The following LONRF1 variants were observed in gnomAD, a reference collection of about 807,000 sequenced individuals.
The protein encoded by LONRF1 is LON peptidase N-terminal domain and ring finger 1, also known as LON peptidase N-terminal domain and RING finger protein 1.
Under a neutral mutation model 85.8 loss-of-function variants are expected in LONRF1, and 37 were observed. The observed-to-expected ratio is 0.43, with a 90% CI of 0.33 to 0.57. The LOEUF (loss-of-function observed/expected upper bound fraction) is 0.57, where lower values mean the gene tolerates loss of function less well. Among genes scored for constraint, LONRF1 ranks in the 20% least tolerant of loss-of-function variants. LONRF1 has a pLI of 0.04. For missense variants in LONRF1, 1,036 were observed against 978.0 expected (o/e 1.06, Z -0.79); for synonymous variants, 517 against 390.1 (o/e 1.33, Z -3.83).
intron 11 of LONRF1, among the ~76,000 whole-genome samples, chr8:12,723,669 C>T (rs1806023572): frequency 6.6e-6 from 1 of 152,240 alleles, no homozygotes; most frequent in Non-Finnish European, 1.5e-5. Flanking sequence ...TAGCACCTTC[C>T]CATCCAGCTG....
intron 3 of LONRF1, 86 bp from the exon 4 acceptor site, chr8:12,738,230 G>A: frequency 1.1e-6 from 1 of 916,616 alleles, no homozygotes. Flanking sequence ...TAAAGAATAT[G>A]TAGAAAGTTT....
At chr8:12,754,453 C>G (rs1357903580) in intron 1 of LONRF1, 14 of 360,226 alleles carry the variant, frequency 3.9e-5, no homozygotes, top group Non-Finnish European at 6.1e-5. Context: ...GAGGGAACCC[C>G]GCGCCGAGCG....
In LONRF1 at chr8:12,728,970, A is replaced by G. The variant is rs1798425462; in HGVS notation, c.1941T>C (p.Phe647=). 3 of 1,614,036 alleles carry G rather than the reference A, an allele frequency of 1.9e-6. No individual in the cohort carries two copies. Among genetic ancestry groups the G allele is most frequent in the Admixed American group, 1.7e-5 (1 of 60,010 alleles). Residue 647 remains phenylalanine (F), a synonymous_variant, in exon 10 of 12, where the codon TTT becomes TTC. Transcript: ENST00000398246. ...SVVDTVGGKR[F]RVLKRGMKDG... ...CTTTCATTCCTCTTTTTAAAACCCT[A>G]AACCGCTTTCCTCCAACTGTATCAA...
intron 2 of LONRF1, among the ~76,000 whole-genome samples, chr8:12,741,604 G>A (rs1798937091): frequency 6.6e-6 from 1 of 151,980 alleles, no homozygotes; most frequent in African/African-American, 2.4e-5. Context: ...AAATATTATT[G>A]ATTTAATTTG....
intron 1 of LONRF1, among the ~76,000 whole-genome samples, chr8:12,746,378 A>G (rs1220633018): frequency 6.6e-6 from 1 of 152,160 alleles, no homozygotes; most frequent in East Asian, 1.9e-4. Context: ...TGCCCCATGT[A>G]CACCATTCTA....
chr8:12,748,743 AG>A (rs1799262942), intron 1 of LONRF1, among the ~76,000 whole-genome samples: 1 of 150,310 alleles, frequency 6.7e-6, no homozygotes, highest in African/African-American at 2.4e-5. Context: ...CATTTTTCTG[AG>A]TGTCTTTTTC....
intron 2 of LONRF1, among the ~76,000 whole-genome samples, chr8:12,741,199 C>G (rs1436052520): frequency 6.6e-6 from 1 of 152,126 alleles, no homozygotes; most frequent in Non-Finnish European, 1.5e-5. Context: ...GTCTGGTCAA[C>G]ATGGTGAAAC....
intron 1 of LONRF1, among the ~76,000 whole-genome samples, chr8:12,748,208 A>G (rs1466396914): frequency 2.0e-5 from 3 of 151,964 alleles, no homozygotes; most frequent in Non-Finnish European, 4.4e-5. Context: ...CTTGTACTTT[A>G]TTTATTTGAG....
intron 10 of LONRF1, among the ~76,000 whole-genome samples, chr8:12,726,529 C>T (rs148359495): frequency 1.3e-5 from 2 of 152,316 alleles, no homozygotes; most frequent in African/African-American, 4.8e-5. Flanking sequence ...ACTGGGTCAC[C>T]AAACTGCAAA....
At chr8:12,754,617 G>A (rs1169849798) in intron 1 of LONRF1, 83 bp downstream of exon 1, 17 of 1,239,216 alleles carry the variant, frequency 1.4e-5, no homozygotes, top group Non-Finnish European at 1.7e-5. Context: ...AGACTCTCGG[G>A]GCGCAGACAA....
At position 12,729,077 on chromosome 8, in the gene LONRF1, T is replaced by C. The variant is rs1798430135; in HGVS notation, c.1848-14A>G. 1 of 1,612,988 alleles carries C rather than the reference T, an allele frequency of 6.2e-7. No individual in the cohort carries two copies. Among genetic ancestry groups the C allele is most frequent in the Non-Finnish European group, 8.5e-7 (1 of 1,179,400 alleles). On this transcript the variant is annotated splice_polypyrimidine_tract_variant and intron_variant, in intron 9 of 11. Coordinates refer to ENST00000398246, the MANE Select transcript of LONRF1 (RefSeq NM_152271.5). The stretch of plus-strand genomic sequence containing the variant: ...TAATCTGCAAAACTAAAAGAAAACC[T>C]TGATTAGTAACAAAGTTGAAACATA...
chr8:12,751,488 A>T (rs1268621803), intron 1 of LONRF1, among the ~76,000 whole-genome samples: 1 of 150,756 alleles, frequency 6.6e-6, no homozygotes, highest in Non-Finnish European at 1.5e-5. Context: ...TATCTCTAGT[A>T]GATACGGGGT....
chr8:12,751,314 T>TTTTTTTTTTTG (rs1554469389), intron 1 of LONRF1, among the ~76,000 whole-genome samples: 6 of 140,452 alleles, frequency 4.3e-5, no homozygotes, highest in Non-Finnish European at 9.3e-5. Flanking sequence ...TTTTTTTTTT[T>TTTTTTTTTTTG]TTTTTTGAGA....
chr8:12,735,741 A>G (rs1798693702), intron 6 of LONRF1: 1 of 177,298 alleles, frequency 5.6e-6, no homozygotes, highest in Admixed American at 6.2e-5. Flanking sequence ...CCAGATTTCA[A>G]AGACTTTCTG....
chr8:12,727,125 T>TTC (rs1165576168), intron 10 of LONRF1: 40 of 150,316 alleles, frequency 2.7e-4, no homozygotes, highest in Admixed American at 1.3e-4. Flanking sequence ...AAATCTTTTT[T>TTC]TTTTTTTTTT....
chr8:12,724,416 G>A (rs571109728), intron 11 of LONRF1, among the ~76,000 whole-genome samples: 1 of 152,334 alleles, frequency 6.6e-6, no homozygotes, highest in African/African-American at 2.4e-5. Flanking sequence ...GAAGCACGCT[G>A]TTGGCTGTTT....
intron 8 of LONRF1, among the ~76,000 whole-genome samples, chr8:12,730,979 A>AG (rs1263531609): frequency 6.6e-6 from 1 of 152,252 alleles, no homozygotes; most frequent in Non-Finnish European, 1.5e-5. Flanking sequence ...TTCAATTAAA[A>AG]GAGAGTAAAA....
rs1255544876 is a variant in LONRF1 at position 12,731,797 on chromosome 8, G to C, written c.1627C>G (p.Leu543Val). The change falls in exon 8 of 12, where the codon CTG (leucine) becomes GTG (valine). Residue 543 changes from leucine to valine, a missense_variant. Leu to Val is a conservative substitution (Grantham distance 32, BLOSUM62 1). Coordinates refer to ENST00000398246, the MANE Select transcript of LONRF1 (RefSeq NM_152271.5). ...TTTCTCTCAGACAGTTCATCAGGCA[G>C]ATACTTCACTATTAATTCTTCCAAC... ...QLLEELIVKY[L>V]PDELSERKKI... is the part of the protein sequence containing the mutation. 2 of 1,612,406 alleles carry C rather than the reference G, an allele frequency of 1.2e-6. No individual in the cohort carries two copies. Among genetic ancestry groups the C allele is most frequent in the East Asian group, 4.5e-5 (2 of 44,862 alleles).
chr8:12,742,969 G>A (rs564412409), intron 2 of LONRF1, among the ~76,000 whole-genome samples, 195 bp downstream of exon 2: 35 of 152,164 alleles, frequency 2.3e-4, no homozygotes, highest in South Asian at 8.3e-4. Flanking sequence ...CAAGCAATCC[G>A]TCCAACTCAG....
Sources: allele counts gnomAD v4.1 joint callset (sites outside exome capture counted in the v4.1 genomes callset), GRCh38; gene constraint gnomAD v4.1.1; transcripts MANE v1.5; gene names NCBI Gene and HGNC (gene_info 2026-07-23, HGNC 2026-07-21).